Variants in COMMD10 observed in about 807,000 individuals in gnomAD.
COMMD10 encodes the protein COMM domain containing 10.
A neutral mutation model predicts 28.9 loss-of-function variants in COMMD10; 33 were observed. The ratio of observed to expected loss-of-function variants is 1.14; its 90% CI spans 0.87 to 1.53. The LOEUF is 1.53. Ranked by LOEUF, COMMD10 falls within the 40% of genes most tolerant of loss-of-function variation. COMMD10 has a pLI of 0.00. For synonymous variants in COMMD10, 110 were observed against 81.7 expected, an observed-to-expected ratio of 1.35 and a Z score of -1.87; for missense variants, 310 against 233.4, an observed-to-expected ratio of 1.33 and a Z score of -2.14.
chr5:116,107,201 T>G (rs1396630213), intron 4 of COMMD10, among the ~76,000 whole-genome samples: 1 of 152,198 alleles, frequency 6.6e-6, no homozygotes, highest in Non-Finnish European at 1.5e-5. Context: ...TTCCCTCTAT[T>G]TCCTGAATTT....
At chr5:116,117,611 G>A (rs188587922) in intron 4 of COMMD10, among the ~76,000 whole-genome samples, 4 of 152,050 alleles carry the variant, frequency 2.6e-5, no homozygotes, top group East Asian at 1.9e-4. Flanking sequence ...TTACAGGCAC[G>A]CACCACCACT....
intron 5 of COMMD10, among the ~76,000 whole-genome samples, chr5:116,269,300 G>C (rs1473198040): frequency 6.6e-6 from 1 of 151,712 alleles, no homozygotes; most frequent in Admixed American, 6.6e-5. Flanking sequence ...TTTCTCCCAA[G>C]CCTTTAAGGG....
At chr5:116,176,375 A>G (rs1056059787) in intron 5 of COMMD10, among the ~76,000 whole-genome samples, 2 of 152,142 alleles carry the variant, frequency 1.3e-5, no homozygotes, top group South Asian at 2.1e-4. Flanking sequence ...CGGCCTCCCA[A>G]AGTGTTGGGA....
intron 5 of COMMD10, among the ~76,000 whole-genome samples, chr5:116,165,168 A>T (rs559048183): frequency 2.6e-5 from 4 of 152,242 alleles, no homozygotes; most frequent in Non-Finnish European, 5.9e-5. Context: ...AAGGAATTAA[A>T]ATGAGAAAAG....
At chr5:116,112,930 G>T (rs1018546626) in intron 4 of COMMD10, among the ~76,000 whole-genome samples, 1 of 151,740 alleles carries the variant, frequency 6.6e-6, no homozygotes, top group East Asian at 1.9e-4. Flanking sequence ...TTATATTTTT[G>T]TGTGTTTTCA....
intron 5 of COMMD10, among the ~76,000 whole-genome samples, chr5:116,202,163 T>G (rs996470367): frequency 2.0e-5 from 3 of 151,742 alleles, no homozygotes; most frequent in African/African-American, 7.3e-5. Flanking sequence ...CGCGATAGTT[T>G]ACTGAGAATG....
intron 6 of COMMD10, 118 bp from the exon 7 acceptor site, chr5:116,292,333 A>G (rs1359924011): frequency 3.9e-6 from 2 of 512,490 alleles, no homozygotes; most frequent in Non-Finnish European, 6.7e-6. Context: ...GAATGGATTT[A>G]ATATTCATAG....
intron 5 of COMMD10, among the ~76,000 whole-genome samples, chr5:116,255,197 C>A (rs184524201): frequency 6.6e-6 from 1 of 151,668 alleles, no homozygotes; most frequent in Non-Finnish European, 1.5e-5. Context: ...TGTGTCTCTG[C>A]CCGTGAGATG....
intron 5 of COMMD10, among the ~76,000 whole-genome samples, chr5:116,138,204 CT>C (rs1031230259): frequency 5.3e-5 from 8 of 151,656 alleles, no homozygotes; most frequent in African/African-American, 1.9e-4. Context: ...CATGATTTGG[CT>C]TTTGAAATTT....
At chr5:116,278,355 G>A (rs1750974504) in intron 5 of COMMD10, among the ~76,000 whole-genome samples, 3 of 151,624 alleles carry the variant, frequency 2.0e-5, no homozygotes, top group Admixed American at 1.3e-4. Context: ...AAATCATAAT[G>A]GCATATCAGC....
At chr5:116,105,137 C>T (rs1750797179) in intron 4 of COMMD10, among the ~76,000 whole-genome samples, 1 of 152,112 alleles carries the variant, frequency 6.6e-6, no homozygotes, top group East Asian at 1.9e-4. Context: ...TCCATCAATG[C>T]CTAGTTTATT....
At chr5:116,157,943 T>C (rs1382880178) in intron 5 of COMMD10, among the ~76,000 whole-genome samples, 3 of 150,804 alleles carry the variant, frequency 2.0e-5, no homozygotes, top group East Asian at 3.9e-4. Flanking sequence ...CCTTTACTTT[T>C]TTTTTTTTTT....
chr5:116,116,401 C>G (rs549762570), intron 4 of COMMD10, among the ~76,000 whole-genome samples: 1 of 152,278 alleles, frequency 6.6e-6, no homozygotes, highest in African/African-American at 2.4e-5. Context: ...AAAAAGCATA[C>G]TTTATGCAGC....
At chr5:116,141,365 T>G (rs1158192870) in intron 5 of COMMD10, among the ~76,000 whole-genome samples, 1 of 151,926 alleles carries the variant, frequency 6.6e-6, no homozygotes, top group African/African-American at 2.4e-5. Flanking sequence ...GTGTGATACA[T>G]CTAACTTTGT....
intron 5 of COMMD10, among the ~76,000 whole-genome samples, chr5:116,247,549 G>T (rs1432067450): frequency 6.6e-6 from 1 of 151,984 alleles, no homozygotes; most frequent in African/African-American, 2.4e-5. Flanking sequence ...ATTCACAACA[G>T]CAAAGACAGG....
chr5:116,100,449 T>C (rs1343652718), intron 4 of COMMD10, among the ~76,000 whole-genome samples: 1 of 152,006 alleles, frequency 6.6e-6, no homozygotes, highest in African/African-American at 2.4e-5. Context: ...TAGTCTCAGA[T>C]CTTTCATTTA....
At chr5:116,244,290 A>G (rs1749885257) in intron 5 of COMMD10, among the ~76,000 whole-genome samples, 1 of 152,086 alleles carries the variant, frequency 6.6e-6, no homozygotes, top group Non-Finnish European at 1.5e-5. Context: ...ACTACAGGAT[A>G]CACTCCATGT....
chr5:116,215,576 A>G (rs896315996), intron 5 of COMMD10, among the ~76,000 whole-genome samples: 1 of 151,456 alleles, frequency 6.6e-6, no homozygotes, highest in African/African-American at 2.4e-5. Flanking sequence ...AGTTCCAGCT[A>G]CTCAGGAGGC....
At chr5:116,167,476 A>T (rs1174865628) in intron 5 of COMMD10, among the ~76,000 whole-genome samples, 2 of 152,140 alleles carry the variant, frequency 1.3e-5, no homozygotes, top group Non-Finnish European at 1.5e-5. Context: ...CAACATTCAA[A>T]TTCAGGAAAT....
Sources: gnomAD v4.1 joint callset for allele counts (sites outside exome capture counted in the v4.1 genomes callset) on GRCh38, gnomAD v4.1.1 for gene constraint, MANE v1.5 for transcripts, NCBI Gene and HGNC (gene_info 2026-07-23, HGNC 2026-07-21) for gene names.